AASDH: variants seen among roughly 807,000 people sequenced by gnomAD.
The protein encoded by AASDH is beta-alanine-activating enzyme.
Under a neutral mutation model 102.3 loss-of-function variants are expected in AASDH, and 81 were observed. The ratio of observed to expected loss-of-function variants is 0.79; its 90% confidence interval spans 0.66 to 0.95. The LOEUF is 0.95. AASDH is among the 40% of genes least tolerant of loss of function. AASDH has a pLI of 0.00. For missense variants in AASDH, 1,203 were observed against 1,266.2 expected, an observed-to-expected ratio of 0.95 and a Z score of 0.76; for synonymous variants, 398 against 454.0, an observed-to-expected ratio of 0.88 and a Z score of 1.57.
chr4:56,356,084 C>A, intron 5 of AASDH: 1 of 596,954 alleles, frequency 1.7e-6, no homozygotes, highest in East Asian at 2.7e-5. Flanking sequence ...AAAAAGTATA[C>A]AAAAGGGTTT....
rs1445566607 is a variant in AASDH at position 56,364,980 on chromosome 4, C to T, written c.861+6471G>A. On this transcript the variant is annotated intron_variant, in intron 5 of 14. Coordinates refer to ENST00000205214, the MANE Select transcript of AASDH (RefSeq NM_181806.4). Reference sequence around the variant, plus strand: ...TGCTGTATTCAGGAAACTCATCTCACGTGCAGAGACACACATAGGCTCAAA... The same window carrying T: ...TGCTGTATTCAGGAAACTCATCTCATGTGCAGAGACACACATAGGCTCAAA... Among the ~76,000 whole-genome samples, 12 of 152,172 alleles carry T rather than the reference C, an allele frequency of 7.9e-5. No individual in the cohort carries two copies. The East Asian group carries it at 1.2e-3, about 15-fold the overall frequency.
At chr4:56,383,977 A>T in intron 2 of AASDH, 93 bp downstream of exon 2, 1 of 1,082,680 alleles carries the variant, frequency 9.2e-7, no homozygotes, top group East Asian at 2.6e-5. Flanking sequence ...AGAAAAGTCC[A>T]ATAGTAAACA....
intron 5 of AASDH, among the ~76,000 whole-genome samples, chr4:56,364,491 G>C (rs1340994134): frequency 6.6e-6 from 1 of 152,138 alleles, no homozygotes; most frequent in African/African-American, 2.4e-5. Context: ...ACCCACAAAG[G>C]GAAGCCCATC....
At chr4:56,352,580 A>G (rs1749135377) in intron 9 of AASDH, among the ~76,000 whole-genome samples, 1 of 152,068 alleles carries the variant, frequency 6.6e-6, no homozygotes, top group Non-Finnish European at 1.5e-5. Flanking sequence ...ATTTTTAGTA[A>G]AGACAGGGTT....
intron 5 of AASDH, among the ~76,000 whole-genome samples, chr4:56,359,954 A>T (rs193246365): frequency 3.3e-5 from 5 of 152,306 alleles, no homozygotes; most frequent in Admixed American, 3.3e-4. Flanking sequence ...CCAAGTGTGG[A>T]CTGTCCAAAT....
At chr4:56,347,773 G>A (rs1022069519) in intron 11 of AASDH, among the ~76,000 whole-genome samples, 11 of 152,084 alleles carry the variant, frequency 7.2e-5, no homozygotes, top group African/African-American at 2.7e-4. Context: ...GTGGTGGCAC[G>A]TCCCTAGCAA....
rs1752608216 is a variant in AASDH, at chr4:56,378,482, CA to C, written c.352-19del. 3 of 1,548,904 alleles carry C rather than the reference CA, an allele frequency of 1.9e-6. No homozygotes were observed. In the South Asian group the frequency reaches 3.6e-5, roughly 19 times the overall value. On this transcript the variant is annotated intron_variant, in intron 3 of 14. Coordinates refer to ENST00000205214, the MANE Select transcript of AASDH (RefSeq NM_181806.4). ...TTAAATTTCTGTGTGAAATGGGGGA[CA>C]AAGTTTACAGTATTAGTATGTTAAA... is the stretch of plus-strand genomic sequence containing the variant.
At chr4:56,358,876 G>C (rs1749939730) in intron 5 of AASDH, among the ~76,000 whole-genome samples, 2 of 152,152 alleles carry the variant, frequency 1.3e-5, no homozygotes, top group Non-Finnish European at 2.9e-5. Context: ...TTTCTGTCTA[G>C]TTTTTCAATC....
rs138653291 is a variant in AASDH at position 56,349,860 on chromosome 4, C to A, written c.1891G>T (p.Val631Phe). The change falls in exon 11 of 15, where the codon GTT becomes TTT. Residue 631 changes from valine (V) to phenylalanine (F), a missense_variant. By Grantham distance (50) the Val-to-Phe change is conservative. Transcript: ENST00000205214. ...EIYNHILQTV[V>F]PDEDVTFRKS... ...CTGAATGTCACATCTTCATCTGGAA[C>A]CACTGTTTGAAGGATGTGATTATAA... is the stretch of plus-strand genomic sequence containing the variant. 6.2e-7 allele frequency: 1 copy of A among 1,614,150 alleles called. No individual in the cohort carries two copies. The highest frequency in any genetic ancestry group is 8.5e-7 in the Non-Finnish European group (1 of 1,180,030).
chr4:56,364,521 C>T (rs7682041), intron 5 of AASDH, among the ~76,000 whole-genome samples: 54,502 of 152,032 alleles, frequency 0.36, 10,282 homozygotes, highest in Non-Finnish European at 0.43. Flanking sequence ...GCTGATCACT[C>T]GGCAGAAACT....
At chr4:56,344,081 ATT>A (rs1232465345) in intron 12 of AASDH, among the ~76,000 whole-genome samples, 1 of 152,166 alleles carries the variant, frequency 6.6e-6, no homozygotes, top group African/African-American at 2.4e-5. Context: ...AACATAAATA[ATT>A]TCTCTCTCTA....
rs369467984 is a variant in AASDH at position 56,381,423 on chromosome 4, C to A, written c.351+1054G>T. 2.3e-4 allele frequency among the ~76,000 whole-genome samples: 35 copies of A among 151,672 alleles called. No homozygotes were observed. The East Asian group carries it at 2.7e-3, about 12-fold the overall frequency. ...TTGTCTCTACTTAAAAATATATATA[C>A]AAAAATTAGCCGGGTGTGGTGGCAT... is the stretch of plus-strand genomic sequence containing the variant. On this transcript the variant is annotated intron_variant, in intron 3 of 14. Transcript: ENST00000205214.
In AASDH at chr4:56,349,568, A is replaced by G. The variant is rs778712735; in HGVS notation, c.2183T>C (p.Ile728Thr). The G allele has an allele frequency of 8.7e-6, 14 of 1,614,100 alleles. No homozygotes were observed. Among genetic ancestry groups the G allele is most frequent in the Admixed American group, 1.7e-5 (1 of 60,012 alleles). Residue 728 changes from isoleucine to threonine, a missense_variant, in exon 11 of 15, where the codon ATT becomes ACT. Coordinates refer to ENST00000205214, the MANE Select transcript of AASDH (RefSeq NM_181806.4). Reference sequence around the variant, plus strand: ...ACAGGATGGATCTTTTGACTTCCCAATAAGAACTGGAGAATTTAAGCCTTT... The same window carrying G: ...ACAGGATGGATCTTTTGACTTCCCAGTAAGAACTGGAGAATTTAAGCCTTT... The part of the protein sequence containing the change: ...NLKGLNSPVL[I>T]GKSKDPSCVA...
At chr4:56,345,545 C>T (rs572677296) in intron 11 of AASDH, among the ~76,000 whole-genome samples, 46 of 152,202 alleles carry the variant, frequency 3.0e-4, no homozygotes, top group Non-Finnish European at 5.0e-4. Context: ...TTTTAAGAAG[C>T]GCTTCACTAC....
intron 3 of AASDH, chr4:56,382,016 T>A (rs1021931811): frequency 2.0e-5 from 3 of 152,300 alleles, no homozygotes; most frequent in African/African-American, 7.2e-5. Context: ...AATTCTTCAG[T>A]GTTGCTGACC....
intron 9 of AASDH, among the ~76,000 whole-genome samples, 174 bp from the exon 10 acceptor site, chr4:56,351,631 G>C (rs959465828): frequency 2.0e-5 from 3 of 152,024 alleles, no homozygotes; most frequent in Admixed American, 6.6e-5. Flanking sequence ...AGAATATACA[G>C]AGAAATAGAT....
At chr4:56,378,008 G>A (rs887693467) in intron 4 of AASDH, 140 bp downstream of exon 4, 6 of 781,260 alleles carry the variant, frequency 7.7e-6, no homozygotes, top group Non-Finnish European at 1.2e-5. Flanking sequence ...CTTTCACCAT[G>A]TTGGCCAGGC....
intron 1 of AASDH, among the ~76,000 whole-genome samples, chr4:56,386,837 A>G (rs1226691933): frequency 2.0e-5 from 3 of 150,954 alleles, no homozygotes; most frequent in Non-Finnish European, 4.4e-5. Flanking sequence ...AAAAAAAAGC[A>G]AACTCTGGTA....
At chr4:56,351,229 G>T (rs1314823526) in intron 10 of AASDH, 113 bp downstream of exon 10, 4 of 650,658 alleles carry the variant, frequency 6.1e-6, no homozygotes, top group Non-Finnish European at 1.1e-5. Flanking sequence ...CCTAACATCT[G>T]GGTAGCAATA....
Sources: gnomAD v4.1 joint callset for allele counts (sites outside exome capture counted in the v4.1 genomes callset) on GRCh38, gnomAD v4.1.1 for gene constraint, MANE v1.5 for transcripts, NCBI Gene and HGNC (gene_info 2026-07-23, HGNC 2026-07-21) for gene names.